Variants in WWOX observed in about 807,000 individuals in gnomAD.
The protein encoded by WWOX is WW domain-containing oxidoreductase.
Under a neutral mutation model 46.2 loss-of-function variants are expected in WWOX, and 69 were observed. The observed-to-expected ratio is 1.49, with a 90% confidence interval of 1.23 to 1.82. The LOEUF (loss-of-function observed/expected upper bound fraction) is 1.82. Among genes scored for constraint, WWOX ranks in the 40% most tolerant of loss-of-function variants. WWOX has a pLI of 0.00. For synonymous variants in WWOX, 359 were observed against 202.6 expected (o/e 1.77, Z -6.56); for missense variants, 919 against 542.6 (o/e 1.69, Z -6.89).
At chr16:78,860,500 AAAG>A (rs2052690665) in intron 8 of WWOX, among the ~76,000 whole-genome samples, 1 of 140,326 alleles carries the variant, frequency 7.1e-6, no homozygotes, top group African/African-American at 2.5e-5. Context: ...TTCAAAGAAA[AAAG>A]AAGGAAAAAA....
intron 8 of WWOX, among the ~76,000 whole-genome samples, chr16:78,797,089 G>T (rs745596405): frequency 1.6e-4 from 24 of 152,028 alleles, no homozygotes; most frequent in Non-Finnish European, 2.4e-4. Flanking sequence ...GCCTCCTAAA[G>T]TGTTGGGGTT....
chr16:78,834,161 T>C (rs1306818870), intron 8 of WWOX, among the ~76,000 whole-genome samples: 3 of 152,170 alleles, frequency 2.0e-5, no homozygotes, highest in Non-Finnish European at 4.4e-5. Flanking sequence ...AACAACAGGA[T>C]AGGAACATTC....
At position 78,869,171 on chromosome 16, in the gene WWOX, C is replaced by T. The variant is rs188585056; in HGVS notation, c.1057-342437C>T. ...AAATTGTATATACGTTTTAGTCAAC[C>T]ATCAGCTGACTTATTCATGTTCTGT... On this transcript the variant is annotated intron_variant, in intron 8 of 8. Transcript: ENST00000566780. Among the ~76,000 whole-genome samples, 38 of 152,172 alleles carry T rather than the reference C, an allele frequency of 2.5e-4. No homozygotes were observed. In the East Asian group the frequency reaches 4.2e-3, roughly 17 times the overall value.
rs2081150001 is a variant in WWOX at position 78,349,493 on chromosome 16, G to GC, written c.517-37363dup. On this transcript the variant is annotated intron_variant, in intron 5 of 8. Transcript: ENST00000566780. ...TGCATCCTTATCTCACTTAATCCTTGCCCCACCCTTTAGAAGAAGCCAGGA... is the reference window on the plus strand; with the variant it reads ...TGCATCCTTATCTCACTTAATCCTTGCCCCCACCCTTTAGAAGAAGCCAGGA... Among the ~76,000 whole-genome samples the GC allele has an allele frequency of 1.7e-5, 2 of 120,180 alleles. 1 individual carries two copies. The highest frequency in any genetic ancestry group is 5.0e-4 in the South Asian group (2 of 3,998). 78.8% of individuals were successfully genotyped at this position (120,180 alleles called of 152,430 possible).
At chr16:78,359,016 A>AT (rs2081355441) in intron 5 of WWOX, among the ~76,000 whole-genome samples, 1 of 152,018 alleles carries the variant, frequency 6.6e-6, no homozygotes, top group South Asian at 2.1e-4. Context: ...TCTGTTTTCC[A>AT]TTTTTTCAGT....
intron 8 of WWOX, chr16:78,756,957 G>A (rs186208052): frequency 1.7e-5 from 12 of 702,870 alleles, no homozygotes; most frequent in Non-Finnish European, 2.6e-5. Flanking sequence ...CAGCTGCCAT[G>A]TTGGGAGGAT....
At chr16:78,667,312 C>T (rs375761352) in intron 8 of WWOX, among the ~76,000 whole-genome samples, 1 of 152,184 alleles carries the variant, frequency 6.6e-6, no homozygotes, top group African/African-American at 2.4e-5. Context: ...GACAGGCTGA[C>T]ATTTTTATTG....
At position 78,940,179 on chromosome 16, in the gene WWOX, C is replaced by T. The variant is rs574530784; in HGVS notation, c.1057-271429C>T. Among the ~76,000 whole-genome samples, 14 of 152,168 alleles carry T rather than the reference C, an allele frequency of 9.2e-5. No individual in the cohort carries two copies. In the East Asian group the frequency reaches 2.5e-3, roughly 27 times the overall value. ...GGCAAATGTATGCAGATTCTTAAAGCATGAATGCTGTATTACACACATTAT... is the reference window on the plus strand; with the variant it reads ...GGCAAATGTATGCAGATTCTTAAAGTATGAATGCTGTATTACACACATTAT... On this transcript the variant is annotated intron_variant, in intron 8 of 8. Transcript: ENST00000566780.
At chr16:78,799,795 C>A (rs915213578) in intron 8 of WWOX, among the ~76,000 whole-genome samples, 1 of 152,296 alleles carries the variant, frequency 6.6e-6, no homozygotes, top group East Asian at 1.9e-4. Context: ...ATTTAGATAT[C>A]TTTGGCTGTG....
At chr16:79,111,690 G>A (rs1022759520) in intron 8 of WWOX, among the ~76,000 whole-genome samples, 14 of 152,166 alleles carry the variant, frequency 9.2e-5, no homozygotes, top group African/African-American at 2.9e-4. Flanking sequence ...CATGGGTAAT[G>A]TCTAGGCAAA....
At chr16:78,485,647 G>C (rs1195846593) in intron 8 of WWOX, among the ~76,000 whole-genome samples, 1 of 152,190 alleles carries the variant, frequency 6.6e-6, no homozygotes, top group Admixed American at 6.5e-5. Context: ...ACTGCCCGCC[G>C]CGTGAAGGAC....
At chr16:78,187,384 G>A (rs2035743166) in intron 5 of WWOX, among the ~76,000 whole-genome samples, 1 of 152,190 alleles carries the variant, frequency 6.6e-6, no homozygotes, top group African/African-American at 2.4e-5. Context: ...GCTGACACAG[G>A]CAGATCACTT....
chr16:78,830,552 C>T (rs114136615), intron 8 of WWOX, among the ~76,000 whole-genome samples: 42 of 152,102 alleles, frequency 2.8e-4, no homozygotes, highest in African/African-American at 9.4e-4. Flanking sequence ...AGCAGATTCC[C>T]AGCATCTTCT....
At chr16:78,697,853 T>G (rs1253333212) in intron 8 of WWOX, among the ~76,000 whole-genome samples, 1 of 152,138 alleles carries the variant, frequency 6.6e-6, no homozygotes, top group East Asian at 1.9e-4. Context: ...CAATACCCCA[T>G]GAAGGAGGTG....
intron 6 of WWOX, among the ~76,000 whole-genome samples, chr16:78,423,853 A>C (rs2151959130): frequency 6.6e-6 from 1 of 151,762 alleles, no homozygotes; most frequent in South Asian, 2.1e-4. Flanking sequence ...CAAAAAAAAA[A>C]AAAAAATTAA....
At chr16:78,124,670 A>T (rs1343585471) in intron 4 of WWOX, among the ~76,000 whole-genome samples, 1 of 152,188 alleles carries the variant, frequency 6.6e-6, no homozygotes, top group African/African-American at 2.4e-5. Context: ...CACAAGCCTA[A>T]CTGAATGGGG....
chr16:78,308,582 G>A (rs1020349833), intron 5 of WWOX, among the ~76,000 whole-genome samples: 46 of 152,128 alleles, frequency 3.0e-4, no homozygotes, highest in African/African-American at 9.9e-4. Flanking sequence ...GGTATATTTC[G>A]AAATGGCCCT....
At chr16:78,523,731 T>A (rs974834361) in intron 8 of WWOX, among the ~76,000 whole-genome samples, 1 of 152,224 alleles carries the variant, frequency 6.6e-6, no homozygotes, top group Non-Finnish European at 1.5e-5. Flanking sequence ...ATGCTCCGTT[T>A]TCCCGCATAC....
At chr16:78,259,463 A>G (rs2038222190) in intron 5 of WWOX, among the ~76,000 whole-genome samples, 2 of 144,974 alleles carry the variant, frequency 1.4e-5, no homozygotes, top group African/African-American at 5.2e-5. Context: ...ACTAGCTGGG[A>G]CTACAGGCAC....
Sources: gnomAD v4.1 joint callset for allele counts (sites outside exome capture counted in the v4.1 genomes callset) on GRCh38, gnomAD v4.1.1 for gene constraint, MANE v1.5 for transcripts, NCBI Gene and HGNC (gene_info 2026-07-23, HGNC 2026-07-21) for gene names.